ABAT: variants seen among roughly 807,000 people sequenced by gnomAD.
ABAT encodes 4-aminobutyrate aminotransferase, mitochondrial.
A neutral mutation model predicts 64.6 loss-of-function variants in ABAT; 45 were observed. The ratio of observed to expected loss-of-function variants is 0.70; its 90% CI spans 0.55 to 0.89. The LOEUF is 0.89. Among genes scored for constraint, ABAT ranks in the 40% least tolerant of loss-of-function variants. ABAT has a pLI of 0.00. For missense variants in ABAT, 633 were observed against 658.4 expected, an observed-to-expected ratio of 0.96 and a Z score of 0.42; for synonymous variants, 297 against 250.5, an observed-to-expected ratio of 1.19 and a Z score of -1.75.
At chr16:8,712,177 G>A (rs924462660) in intron 1 of ABAT, among the ~76,000 whole-genome samples, 2 of 152,094 alleles carry the variant, frequency 1.3e-5, no homozygotes, top group African/African-American at 4.8e-5. Context: ...GTTGCAGTGA[G>A]CCACGATGGT....
At chr16:8,706,649 G>A (rs2057952518) in intron 1 of ABAT, among the ~76,000 whole-genome samples, 1 of 152,126 alleles carries the variant, frequency 6.6e-6, no homozygotes, top group African/African-American at 2.4e-5. Flanking sequence ...GGAGGTGGAG[G>A]CTGCAGTGAG....
intron 5 of ABAT, among the ~76,000 whole-genome samples, chr16:8,753,400 A>C (rs1226809016): frequency 1.3e-5 from 2 of 152,100 alleles, no homozygotes; most frequent in Admixed American, 1.3e-4. Flanking sequence ...TGGCCCTCCC[A>C]AGCTTATTTC....
chr16:8,686,572 G>C (rs1328259196), intron 1 of ABAT, among the ~76,000 whole-genome samples: 3 of 152,172 alleles, frequency 2.0e-5, no homozygotes, highest in African/African-American at 7.2e-5. Context: ...ACAGCCCTAT[G>C]AGGAAAGGCT....
intron 2 of ABAT, 100 bp from the exon 3 acceptor site, chr16:8,745,901 C>A: frequency 1.7e-6 from 2 of 1,168,272 alleles, no homozygotes; most frequent in Non-Finnish European, 2.5e-6. Context: ...GGCTAAGGTC[C>A]TGGCACTACC....
intron 4 of ABAT, among the ~76,000 whole-genome samples, chr16:8,748,603 G>A (rs1227793548): frequency 6.6e-6 from 1 of 152,124 alleles, no homozygotes; most frequent in East Asian, 1.9e-4. Flanking sequence ...CTTCTCCCTA[G>A]TTGTCCTATC....
intron 5 of ABAT, among the ~76,000 whole-genome samples, chr16:8,757,541 T>C (rs1025891992): frequency 2.0e-5 from 3 of 152,198 alleles, no homozygotes; most frequent in Admixed American, 6.5e-5. Flanking sequence ...TCCTAGAGAA[T>C]TTGTTGGATT....
At chr16:8,721,955 A>C (rs768120767) in intron 1 of ABAT, among the ~76,000 whole-genome samples, 1 of 152,242 alleles carries the variant, frequency 6.6e-6, no homozygotes, top group Non-Finnish European at 1.5e-5. Context: ...ACAGTAAGGA[A>C]TAGAACTTAC....
At chr16:8,760,045 C>G (rs1243757320) in intron 6 of ABAT, 1 of 152,256 alleles carries the variant, frequency 6.6e-6, no homozygotes, top group Non-Finnish European at 1.5e-5. Context: ...TTGCATAGCT[C>G]CAGTTCAGGG....
At chr16:8,750,175 G>A (rs1373130470) in intron 4 of ABAT, among the ~76,000 whole-genome samples, 3 of 150,884 alleles carry the variant, frequency 2.0e-5, no homozygotes, top group East Asian at 3.9e-4. Context: ...CTCTTTTTTT[G>A]TTCTGATGTA....
chr16:8,726,260 A>ATTTTTT (rs1217567478), intron 1 of ABAT, among the ~76,000 whole-genome samples: 1 of 52,940 alleles, frequency 1.9e-5, no homozygotes, highest in African/African-American at 5.1e-5. Context: ...AAATGACTAG[A>ATTTTTT]TCTTTTTTTT....
intron 1 of ABAT, chr16:8,683,564 G>A (rs1730942): frequency 0.57 from 80,814 of 140,810 alleles, 23,471 homozygotes; most frequent in East Asian, 0.76. Context: ...AAAAAAAAAA[G>A]AGAGAGAGAG....
rs145574686 is a variant in ABAT at position 8,691,656 on chromosome 16, G to A, written c.-42+16945G>A. Among the ~76,000 whole-genome samples the A allele has an allele frequency of 6.7e-3, 1,013 of 152,242 alleles. 9 individuals are homozygous for A. The highest frequency in any genetic ancestry group is 0.023 in the African/African-American group (966 of 41,544). ...GGGTTTCGCCATGTTGGCCAGGCGG[G>A]TCTCAAACTCCTGATCTCAGGCGAT... On this transcript the variant is annotated intron_variant, in intron 1 of 15. Transcript: ENST00000268251.
chr16:8,710,751 C>A (rs1214203246), intron 1 of ABAT, among the ~76,000 whole-genome samples: 6 of 130,344 alleles, frequency 4.6e-5, no homozygotes, highest in African/African-American at 1.3e-4. Context: ...CAGGAGCAAG[C>A]ACCTTCACAT....
intron 1 of ABAT, among the ~76,000 whole-genome samples, chr16:8,683,986 G>A (rs1469730849): frequency 2.6e-5 from 4 of 152,096 alleles, no homozygotes; most frequent in Non-Finnish European, 5.9e-5. Flanking sequence ...GAGAGATGGA[G>A]GGAGAGACAA....
intron 3 of ABAT, among the ~76,000 whole-genome samples, chr16:8,747,236 G>T (rs1022528047): frequency 6.6e-6 from 1 of 152,140 alleles, no homozygotes; most frequent in Non-Finnish European, 1.5e-5. Flanking sequence ...ATGGCACAGG[G>T]CTCAGAGATC....
chr16:8,757,876 C>A, intron 6 of ABAT, 70 bp downstream of exon 6: 1 of 1,505,174 alleles, frequency 6.6e-7, no homozygotes, highest in East Asian at 2.3e-5. Flanking sequence ...ACTGGGCAGA[C>A]TTTGGCAATA....
chr16:8,774,140 G>A (rs1168541072), intron 12 of ABAT, among the ~76,000 whole-genome samples: 1 of 152,092 alleles, frequency 6.6e-6, no homozygotes, highest in Non-Finnish European at 1.5e-5. Context: ...TGTTGGCCAG[G>A]CTGATTGGCT....
chr16:8,688,923 C>T (rs2057517912), intron 1 of ABAT, among the ~76,000 whole-genome samples: 1 of 151,922 alleles, frequency 6.6e-6, no homozygotes, highest in African/African-American at 2.4e-5. Context: ...TAAAAATACA[C>T]AAAAAAATTA....
intron 1 of ABAT, chr16:8,714,875 C>T (rs73497685): frequency 0.07 from 10,625 of 152,696 alleles, 634 homozygotes; most frequent in African/African-American, 0.15. Context: ...CCCTCAGACA[C>T]ATTGCTGCTG....
Sources: gnomAD v4.1 joint callset for allele counts (sites outside exome capture counted in the v4.1 genomes callset) on GRCh38, gnomAD v4.1.1 for gene constraint, MANE v1.5 for transcripts, NCBI Gene and HGNC (gene_info 2026-07-23, HGNC 2026-07-21) for gene names.